The following RABGAP1L variants were observed in gnomAD, a reference collection of about 807,000 sequenced individuals.
The protein encoded by RABGAP1L is rab GTPase-activating protein 1-like.
Under a neutral mutation model 137.7 loss-of-function variants are expected in RABGAP1L, and 63 were observed. The observed-to-expected ratio is 0.46, with a 90% CI of 0.37 to 0.56. The LOEUF (loss-of-function observed/expected upper bound fraction) is 0.56, where lower values mean the gene tolerates loss of function less well. Ranked by LOEUF, RABGAP1L falls within the 20% of genes least tolerant of loss-of-function variation. The pLI is 0.00. For missense variants in RABGAP1L, 1,095 were observed against 1,244.0 expected, an observed-to-expected ratio of 0.88 and a Z score of 1.80; for synonymous variants, 431 against 433.7, an observed-to-expected ratio of 0.99 and a Z score of 0.08.
chr1:174,659,752 C>G (rs903555244), intron 14 of RABGAP1L, among the ~76,000 whole-genome samples: 1 of 152,156 alleles, frequency 6.6e-6, no homozygotes, highest in Admixed American at 6.5e-5. Flanking sequence ...ACAGATATCT[C>G]AAATACAGCC....
At chr1:174,767,156 A>G (rs1248398408) in intron 18 of RABGAP1L, among the ~76,000 whole-genome samples, 1 of 152,138 alleles carries the variant, frequency 6.6e-6, no homozygotes, top group Non-Finnish European at 1.5e-5. Flanking sequence ...AAAATGTATA[A>G]AACTAAGCTG....
chr1:174,971,180 C>T (rs982805369), intron 21 of RABGAP1L, among the ~76,000 whole-genome samples: 4 of 151,422 alleles, frequency 2.6e-5, no homozygotes, highest in Admixed American at 1.3e-4. Context: ...ATTACTTAAC[C>T]ACCATAGGTT....
chr1:174,573,768 AAAT>A (rs1668167929), intron 13 of RABGAP1L, among the ~76,000 whole-genome samples: 1 of 152,180 alleles, frequency 6.6e-6, no homozygotes, highest in African/African-American at 2.4e-5. Context: ...GCAAAAAAAA[AAAT>A]AAAGTTGCTG....
chr1:174,751,845 C>T (rs1227830446), intron 17 of RABGAP1L, among the ~76,000 whole-genome samples: 2 of 152,042 alleles, frequency 1.3e-5, no homozygotes, highest in Non-Finnish European at 2.9e-5. Context: ...CAGTGTGATA[C>T]TTAAAGCCTC....
At chr1:174,659,236 CAA>C (rs11333708) in intron 14 of RABGAP1L, among the ~76,000 whole-genome samples, 1,403 of 124,502 alleles carry the variant, frequency 0.011, 17 homozygotes, top group African/African-American at 0.031. Flanking sequence ...TTTACTTTAC[CAA>C]AAAAAAAAAA....
At chr1:174,740,045 T>C (rs1314965797) in intron 17 of RABGAP1L, among the ~76,000 whole-genome samples, 3 of 152,170 alleles carry the variant, frequency 2.0e-5, no homozygotes, top group Admixed American at 6.5e-5. Flanking sequence ...TGTATTTTTA[T>C]GTGTACCAGG....
chr1:174,779,653 CT>C (rs1048220757), intron 18 of RABGAP1L, among the ~76,000 whole-genome samples: 1 of 152,072 alleles, frequency 6.6e-6, no homozygotes, highest in African/African-American at 2.4e-5. Flanking sequence ...TTGATTTCTG[CT>C]TGGTTTTGAA....
chr1:174,195,769 C>G (rs59015455), intron 1 of RABGAP1L, among the ~76,000 whole-genome samples: 9 of 104,608 alleles, frequency 8.6e-5, no homozygotes, highest in African/African-American at 2.9e-4. Flanking sequence ...CTCTCTTTCT[C>G]TCTTTCCTTT....
intron 11 of RABGAP1L, among the ~76,000 whole-genome samples, chr1:174,337,344 A>C (rs145231619): frequency 1.0e-3 from 153 of 152,162 alleles, no homozygotes; most frequent in African/African-American, 3.5e-3. Flanking sequence ...GAAGAGTAGA[A>C]AGTAGAAAGG....
chr1:174,534,773 T>A (rs1664750190), intron 13 of RABGAP1L, among the ~76,000 whole-genome samples: 1 of 44,770 alleles, frequency 2.2e-5, no homozygotes, highest in Admixed American at 4.0e-4. Flanking sequence ...AAACTCTGTC[T>A]CCAAAAAAAA....
rs556566815 is a variant in RABGAP1L at position 174,202,103 on chromosome 1, A to G, written c.-33-17022A>G. On this transcript the variant is annotated intron_variant, in intron 1 of 25. Coordinates refer to ENST00000681986, the MANE Select transcript of RABGAP1L (RefSeq NM_001366446.1). ...CTTTGCTATTGTGAATAGTGCCACAATAAACATACGTGTGCATGTGTCTTT... is the reference window on the plus strand; with the variant it reads ...CTTTGCTATTGTGAATAGTGCCACAGTAAACATACGTGTGCATGTGTCTTT... 8.5e-5 allele frequency among the ~76,000 whole-genome samples: 13 copies of G among 152,144 alleles called. No individual in the cohort carries two copies. In the East Asian group the frequency reaches 1.5e-3, roughly 18 times the overall value.
chr1:174,727,422 T>C (rs78829873), intron 17 of RABGAP1L, among the ~76,000 whole-genome samples: 1,822 of 152,304 alleles, frequency 0.012, 26 homozygotes, highest in African/African-American at 0.042. Context: ...TGGAACCTCA[T>C]AGTCTGCACA....
rs1465733128 is a variant in RABGAP1L at position 174,595,922 on chromosome 1, G to A, written c.1711-41453G>A. On this transcript the variant is annotated intron_variant, in intron 13 of 25. Coordinates refer to ENST00000681986, the MANE Select transcript of RABGAP1L (RefSeq NM_001366446.1). Reference sequence around the variant, plus strand: ...CCTGCTGCTTTGTTTACCTAAGCAAGCCTTGGCAATGGCGGGCGCCCCTCC... The same window carrying A: ...CCTGCTGCTTTGTTTACCTAAGCAAACCTTGGCAATGGCGGGCGCCCCTCC... Among the ~76,000 whole-genome samples the A allele has an allele frequency of 8.4e-5, 9 of 107,580 alleles. 1 individual carries two copies. The highest frequency in any genetic ancestry group is 1.2e-4 in the Non-Finnish European group (7 of 56,572). The allele number at this position is 107,580 out of a possible 152,430, so 70.6% of individuals were successfully genotyped here.
At chr1:174,338,806 A>G (rs565489978) in intron 11 of RABGAP1L, among the ~76,000 whole-genome samples, 1 of 152,050 alleles carries the variant, frequency 6.6e-6, no homozygotes, top group Non-Finnish European at 1.5e-5. Context: ...ATGAATTGGT[A>G]CTCTGAAAGG....
At chr1:174,764,883 A>G (rs1573084437) in intron 18 of RABGAP1L, among the ~76,000 whole-genome samples, 1 of 152,180 alleles carries the variant, frequency 6.6e-6, no homozygotes, top group African/African-American at 2.4e-5. Context: ...CACTCTCTTG[A>G]TACCATAAAG....
At chr1:174,268,649 A>G (rs1288357980) in intron 7 of RABGAP1L, among the ~76,000 whole-genome samples, 1 of 152,184 alleles carries the variant, frequency 6.6e-6, no homozygotes, top group Non-Finnish European at 1.5e-5. Flanking sequence ...AGTTTTTAAA[A>G]AATTAGTTTC....
At chr1:174,655,946 G>A (rs1675935398) in intron 14 of RABGAP1L, among the ~76,000 whole-genome samples, 2 of 152,156 alleles carry the variant, frequency 1.3e-5, no homozygotes, top group Admixed American at 1.3e-4. Context: ...TCTCCAAAGA[G>A]CCTTGTTTCC....
chr1:174,752,075 G>A (rs1684383000), intron 17 of RABGAP1L, among the ~76,000 whole-genome samples: 1 of 151,822 alleles, frequency 6.6e-6, no homozygotes, highest in Non-Finnish European at 1.5e-5. Flanking sequence ...ATTGACTGAA[G>A]GGAAATAACT....
chr1:174,989,023 T>C (rs1212181789), intron 25 of RABGAP1L, among the ~76,000 whole-genome samples, 185 bp downstream of exon 25: 7 of 152,218 alleles, frequency 4.6e-5, no homozygotes, highest in Non-Finnish European at 8.8e-5. Context: ...AACAAATATA[T>C]AATTTTAAAT....
Sources: gnomAD v4.1 joint callset for allele counts (sites outside exome capture counted in the v4.1 genomes callset) on GRCh38, gnomAD v4.1.1 for gene constraint, MANE v1.5 for transcripts, NCBI Gene and HGNC (gene_info 2026-07-23, HGNC 2026-07-21) for gene names.